Variants in NINL observed in about 807,000 individuals in gnomAD.
The protein encoded by NINL is ninein-like protein.
NINL carries 153 observed loss-of-function variants against 160.3 expected under a neutral mutation model. The observed-to-expected ratio is 0.95, with a 90% CI of 0.84 to 1.09. The LOEUF (loss-of-function observed/expected upper bound fraction) is 1.09, where lower values mean the gene tolerates loss of function less well. Among genes scored for constraint, NINL ranks in the 50% least tolerant of loss-of-function variants. NINL has a pLI of 0.00. For synonymous variants in NINL, 800 were observed against 734.8 expected (o/e 1.09, Z -1.43); for missense variants, 1,829 against 1,764.0 (o/e 1.04, Z -0.66).
At position 25,453,384 on chromosome 20, in the gene NINL, C is replaced by G; in HGVS notation, c.*67G>C. On this transcript the variant is annotated 3_prime_UTR_variant, in exon 24 of 24. Transcript: ENST00000278886. The stretch of plus-strand genomic sequence containing the variant: ...ACTCATGGCTCATGACCCACGGAAT[C>G]TAAGGCAGCACAGTGGCTTAATTTA... 7.0e-7 allele frequency: 1 copy of G among 1,431,032 alleles called. No individual in the cohort carries two copies. 88.6% of individuals were successfully genotyped at this position (1,431,032 alleles called of 1,614,324 possible).
chr20:25,461,744 T>A, intron 20 of NINL, 109 bp from the exon 21 acceptor site: 2 of 767,286 alleles, frequency 2.6e-6, no homozygotes, highest in Non-Finnish European at 4.3e-6. Context: ...GTACAAAATT[T>A]AAATCCCTGT....
chr20:25,584,931 C>T (rs1246959860), intron 1 of NINL, among the ~76,000 whole-genome samples: 1 of 152,260 alleles, frequency 6.6e-6, no homozygotes, highest in Non-Finnish European at 1.5e-5. Context: ...CAGACTTCTA[C>T]ACCCTTTCAA....
At chr20:25,547,629 C>T (rs928264708) in intron 1 of NINL, among the ~76,000 whole-genome samples, 1 of 152,076 alleles carries the variant, frequency 6.6e-6, no homozygotes, top group Admixed American at 6.5e-5. Flanking sequence ...TGTGGAAAGA[C>T]CACGTTTGGT....
At chr20:25,472,208 A>G (rs2063110283) in intron 17 of NINL, among the ~76,000 whole-genome samples, 1 of 151,704 alleles carries the variant, frequency 6.6e-6, no homozygotes, top group African/African-American at 2.4e-5. Context: ...AGGTATGTAA[A>G]AAATACCCCA....
chr20:25,475,149 T>G (rs1432730625), intron 17 of NINL, among the ~76,000 whole-genome samples: 1 of 150,998 alleles, frequency 6.6e-6, no homozygotes, highest in African/African-American at 2.4e-5. Flanking sequence ...CTCAGGAGGC[T>G]GAGGCAGGAG....
intron 1 of NINL, among the ~76,000 whole-genome samples, chr20:25,569,730 G>A (rs2065033442): frequency 6.6e-6 from 1 of 152,204 alleles, no homozygotes; most frequent in South Asian, 2.1e-4. Flanking sequence ...GAGCAAGCAC[G>A]GAGGCGGAGG....
At chr20:25,542,663 T>C (rs1455171206) in intron 1 of NINL, among the ~76,000 whole-genome samples, 1 of 130,072 alleles carries the variant, frequency 7.7e-6, no homozygotes, top group African/African-American at 3.0e-5. Flanking sequence ...GCCATTCTTT[T>C]GTTTCTTCAC....
intron 17 of NINL, 34 bp downstream of exon 17, chr20:25,476,009 A>T: frequency 6.3e-7 from 1 of 1,586,096 alleles, no homozygotes; most frequent in Non-Finnish European, 8.6e-7. Context: ...TTTAGTTTGA[A>T]GTGTTTAGTT....
intron 1 of NINL, among the ~76,000 whole-genome samples, chr20:25,562,767 T>A (rs1160797932): frequency 2.1e-5 from 3 of 144,044 alleles, no homozygotes; most frequent in African/African-American, 5.2e-5. Context: ...CCAAGAATGA[T>A]CAATAAAAAA....
Position 25,497,155 on chromosome 20 carries a change from A to T in NINL, c.1170-352T>A, listed in dbSNP as rs112154258. On this transcript the variant is annotated intron_variant, in intron 9 of 23. Transcript: ENST00000278886. ...CCCTCTCATCGGCAGCTGGGCGTGG[A>T]TCGCAAGTACCTAATTCAGTAACGG... 5.3e-3 allele frequency among the ~76,000 whole-genome samples: 813 copies of T among 152,324 alleles called. 2 individuals carry two copies. The highest frequency in any genetic ancestry group is 0.01 in the Middle Eastern group (3 of 294).
At chr20:25,581,010 G>A (rs1310409394) in intron 1 of NINL, among the ~76,000 whole-genome samples, 3 of 152,238 alleles carry the variant, frequency 2.0e-5, no homozygotes, top group Admixed American at 6.5e-5. Flanking sequence ...GGCAGAGGAC[G>A]CTATTACCTG....
chr20:25,490,425 T>C (rs2146678751), intron 11 of NINL, among the ~76,000 whole-genome samples: 1 of 151,886 alleles, frequency 6.6e-6, no homozygotes, highest in African/African-American at 2.4e-5. Flanking sequence ...CCAGGCGTGG[T>C]GGCGGGAGCC....
At position 25,476,398 on chromosome 20, in the gene NINL, C is replaced by T. The variant is rs1197913586; in HGVS notation, c.2893G>A (p.Ala965Thr). The T allele has an allele frequency of 1.3e-6, 2 of 1,594,454 alleles. No individual in the cohort carries two copies. Among genetic ancestry groups the T allele is most frequent in the East Asian group, 2.3e-5 (1 of 42,838 alleles). Residue 965 changes from alanine to threonine, a missense_variant, in exon 17 of 24, where the codon GCC (alanine) becomes ACC (threonine). By Grantham distance (58) the Ala-to-Thr change is moderately conservative (BLOSUM62 0). Coordinates refer to ENST00000278886, the MANE Select transcript of NINL (RefSeq NM_025176.6). Reference protein sequence around the residue: ...PRMWEPPLRPAASCRGQAERL... With the variant: ...PRMWEPPLRPTASCRGQAERL... The stretch of plus-strand genomic sequence containing the variant: ...TCAGCCTGTCCCCTGCACGAAGCGG[C>T]CGGCCTCAGGGGTGGCTCCCACATC...
intron 1 of NINL, among the ~76,000 whole-genome samples, chr20:25,531,169 T>C (rs1214847348): frequency 6.6e-6 from 1 of 152,200 alleles, no homozygotes; most frequent in Non-Finnish European, 1.5e-5. Context: ...AAGAGAAATA[T>C]GGCTCTGTTC....
intron 1 of NINL, among the ~76,000 whole-genome samples, chr20:25,545,977 G>A (rs1156326539): frequency 1.9e-5 from 2 of 103,918 alleles, no homozygotes; most frequent in African/African-American, 5.7e-5. Flanking sequence ...TTTCTTTGTT[G>A]TTTTGTTTTT....
intron 13 of NINL, among the ~76,000 whole-genome samples, chr20:25,487,542 A>C (rs2146644444): frequency 6.6e-6 from 1 of 152,250 alleles, no homozygotes; most frequent in Middle Eastern, 3.4e-3. Context: ...TTTGGACCTA[A>C]CCCTCTGTAT....
Position 25,476,561 on chromosome 20 carries a change from C to A in NINL, c.2730G>T (p.Gln910His). 1 of 1,599,800 alleles carries A rather than the reference C, an allele frequency of 6.3e-7. No homozygotes were observed. The highest frequency in any genetic ancestry group is 2.2e-5 in the East Asian group (1 of 44,874). ...HGPSERWSRM[Q>H]PCGVDGDIVP... ...CAATATCCCCATCCACTCCACAGGG[C>A]TGCATGCGTGACCACCTCTCTGAGG... Residue 910 changes from glutamine to histidine, a missense_variant, in exon 17 of 24, where the codon CAG becomes CAT. Gln to His is a conservative substitution (Grantham distance 24, BLOSUM62 0). Coordinates refer to ENST00000278886, the MANE Select transcript of NINL (RefSeq NM_025176.6).
At chr20:25,489,827 C>A in intron 12 of NINL, 48 bp downstream of exon 12, 1 of 1,558,644 alleles carries the variant, frequency 6.4e-7, no homozygotes, top group Non-Finnish European at 8.8e-7. Flanking sequence ...CCCACTCTGC[C>A]CAGCAGGCCC....
At chr20:25,457,208 C>T (rs1413021420) in intron 22 of NINL, among the ~76,000 whole-genome samples, 2 of 152,144 alleles carry the variant, frequency 1.3e-5, no homozygotes, top group Admixed American at 6.5e-5. Context: ...CCTGTAGTCC[C>T]AGCTACTCAG....
Sources: gnomAD v4.1 joint callset for allele counts (sites outside exome capture counted in the v4.1 genomes callset) on GRCh38, gnomAD v4.1.1 for gene constraint, MANE v1.5 for transcripts, NCBI Gene and HGNC (gene_info 2026-07-23, HGNC 2026-07-21) for gene names.